Variants in SETD9 observed in about 807,000 individuals in gnomAD.
SETD9 encodes the protein SET domain containing 9.
A neutral mutation model predicts 36.4 loss-of-function variants in SETD9; 37 were observed. That is an observed-to-expected ratio of 1.02 (90% confidence interval 0.78 to 1.34). The LOEUF (loss-of-function observed/expected upper bound fraction) is 1.34. Among genes scored for constraint, SETD9 ranks in the 40% most tolerant of loss-of-function variants. The pLI, the probability that SETD9 is intolerant of heterozygous loss-of-function variation, is 0.00. For synonymous variants in SETD9, 128 were observed against 132.9 expected (o/e 0.96, Z 0.26); for missense variants, 323 against 353.2 (o/e 0.91, Z 0.69).
Position 56,911,454 on chromosome 5 carries a change from T to C in SETD9, c.384T>C (p.Thr128=), listed in dbSNP as rs1282804778. 1 of 1,610,262 alleles carries C rather than the reference T, an allele frequency of 6.2e-7. No individual in the cohort carries two copies. Among genetic ancestry groups the C allele is most frequent in the Admixed American group, 1.7e-5 (1 of 59,068 alleles). ...TGGGTTTCAGTGTTGCCCAAGCAAC[T>C]AGCTCATTGATTTCTGCTGGAAAAG... ...KTLGFSVAQA[T]SSLISAGKGV... Residue 128 remains threonine (T), a synonymous_variant, in exon 2 of 6, where the codon ACT becomes ACC. Transcript: ENST00000285947.
Position 56,913,091 on chromosome 5 carries a change from C to T in SETD9, c.547C>T (p.Leu183Phe), listed in dbSNP as rs1300699535. The T allele has an allele frequency of 6.2e-7, 1 of 1,613,860 alleles. No individual in the cohort carries two copies. The highest frequency in any genetic ancestry group is 2.2e-5 in the East Asian group (1 of 44,876). ...TATTTTTAGATGCCTGGATGGGGTA[C>T]TCATTGATGGGAATGACAAAGGGAT... ...PFIFRCLDGV[L>F]IDGNDKGISK... Residue 183 changes from leucine (L) to phenylalanine (F), a missense_variant, in exon 3 of 6, where the codon CTC (leucine) becomes TTC (phenylalanine). Physicochemically the swap from Leu to Phe is conservative, Grantham distance 22. Coordinates refer to ENST00000285947, the MANE Select transcript of SETD9 (RefSeq NM_153706.4).
At chr5:56,924,844 C>G (rs1369854400) in intron 5 of SETD9, among the ~76,000 whole-genome samples, 1 of 152,222 alleles carries the variant, frequency 6.6e-6, no homozygotes, top group African/African-American at 2.4e-5. Flanking sequence ...TTCAGTATCT[C>G]TAACCTGACT....
downstream of SETD9, among the ~76,000 whole-genome samples, chr5:56,927,475 C>A (rs1173652763): frequency 6.6e-6 from 1 of 152,122 alleles, no homozygotes; most frequent in East Asian, 1.9e-4. Context: ...CAGAACCCTG[C>A]CTTCCTTTAG....
chr5:56,911,948 G>T (rs965913954), intron 2 of SETD9, among the ~76,000 whole-genome samples: 2 of 152,160 alleles, frequency 1.3e-5, no homozygotes, highest in Non-Finnish European at 2.9e-5. Flanking sequence ...ATCGCGAGGG[G>T]TTTGAGACCA....
At chr5:56,915,969 GA>G in intron 5 of SETD9, among the ~76,000 whole-genome samples, 1 of 150,672 alleles carries the variant, frequency 6.6e-6, no homozygotes, top group East Asian at 2.0e-4. Flanking sequence ...CCCAAAACAG[GA>G]AAAAAACAAA....
In SETD9 at chr5:56,909,630, G is replaced by A. The variant is rs1386868236; in HGVS notation, c.-16G>A. 13 of 1,597,208 alleles carry A rather than the reference G, an allele frequency of 8.1e-6. No individual in the cohort carries two copies. The East Asian group carries it at 3.0e-4, about 37-fold the overall frequency. Reference sequence around the variant, plus strand: ...CCTTCCCCGCGCCGTCCTGGTCACGGCCCCGCGGGGCAGCCATGCCTGGCC... The same window carrying A: ...CCTTCCCCGCGCCGTCCTGGTCACGACCCCGCGGGGCAGCCATGCCTGGCC... On this transcript the variant is annotated 5_prime_UTR_variant, in exon 1 of 6. Transcript: ENST00000285947.
rs961519101 is a variant in SETD9, at chr5:56,911,082, C to G, written c.99-87C>G. On this transcript the variant is annotated intron_variant, in intron 1 of 5. Coordinates refer to ENST00000285947, the MANE Select transcript of SETD9 (RefSeq NM_153706.4). Reference sequence around the variant, plus strand: ...ACACATGAGAATAAGCTTATAGTTCCTTAAGGCCAGGAACCCAGAAGTTAT... The same window carrying G: ...ACACATGAGAATAAGCTTATAGTTCGTTAAGGCCAGGAACCCAGAAGTTAT... 3.7e-5 allele frequency: 53 copies of G among 1,446,860 alleles called. 1 individual carries two copies. Among genetic ancestry groups the G allele is most frequent in the Non-Finnish European group, 5.5e-6 (6 of 1,086,074 alleles). The allele number at this position is 1,446,860 out of a possible 1,614,324, so 89.6% of individuals were successfully genotyped here.
At chr5:56,924,599 A>ACTTG (rs1749868132) in intron 5 of SETD9, among the ~76,000 whole-genome samples, 1 of 152,218 alleles carries the variant, frequency 6.6e-6, no homozygotes, top group Admixed American at 6.5e-5. Flanking sequence ...ATTTAAGATG[A>ACTTG]CTTGCTAGCT....
chr5:56,913,851 GCTA>G lies in SETD9; in HGVS notation c.591-22_591-20del, dbSNP rs1749284442. 7.0e-7 allele frequency: 1 copy of G among 1,429,720 alleles called. No individual in the cohort carries two copies. The highest frequency in any genetic ancestry group is 2.3e-5 in the East Asian group (1 of 44,144). 88.6% of individuals were successfully genotyped at this position (1,429,720 alleles called of 1,614,324 possible). On this transcript the variant is annotated intron_variant, in intron 3 of 5. Coordinates refer to ENST00000285947, the MANE Select transcript of SETD9 (RefSeq NM_153706.4). ...TCTATTTTAAGATACAGATCCATTAGCTAATGCTTTCACTTGTTTCAGATCTTG... is the reference window on the plus strand; with the variant it reads ...TCTATTTTAAGATACAGATCCATTAGATGCTTTCACTTGTTTCAGATCTTG...
In SETD9 at chr5:56,914,956, GACAA is replaced by G. The variant is rs766769864; in HGVS notation, c.808_811del (p.Gln270AlafsTer44). ...TCTTCCAAACATTGCCTACAGCTAT[GACAA>G]ACAAAGGTTCGTTTGCTAAAAGAGC... On this transcript the variant is annotated frameshift_variant, in exon 5 of 6. Coordinates refer to ENST00000285947, the MANE Select transcript of SETD9 (RefSeq NM_153706.4). LOFTEE classifies it high-confidence loss of function. 3.2e-5 allele frequency: 50 copies of G among 1,583,130 alleles called. No individual in the cohort carries two copies. Among genetic ancestry groups the G allele is most frequent in the Non-Finnish European group, 4.1e-5 (48 of 1,159,626 alleles).
intron 5 of SETD9, among the ~76,000 whole-genome samples, chr5:56,916,164 C>A (rs832537): frequency 6.6e-6 from 1 of 151,888 alleles, no homozygotes; most frequent in Non-Finnish European, 1.5e-5. Flanking sequence ...GAGGCCGAGG[C>A]GGGCGGATCA....
At chr5:56,924,152 T>A (rs1749836375) in intron 5 of SETD9, 1 of 1,059,244 alleles carries the variant, frequency 9.4e-7, no homozygotes, top group East Asian at 2.4e-5. Flanking sequence ...ATTTTCCCAT[T>A]ATATAGTTCT....
chr5:56,913,734 C>T, intron 3 of SETD9, 140 bp from the exon 4 acceptor site: 1 of 583,144 alleles, frequency 1.7e-6, no homozygotes, highest in Non-Finnish European at 3.0e-6. Flanking sequence ...TGTGTAACAA[C>T]TCAGTTGCCC....
intron 3 of SETD9, 61 bp downstream of exon 3, chr5:56,913,195 T>C: frequency 6.5e-7 from 1 of 1,541,176 alleles, no homozygotes; most frequent in Non-Finnish European, 8.8e-7. Flanking sequence ...ACCACAATGA[T>C]TATGACTAAT....
At chr5:56,913,179 G>A (rs750933294) in intron 3 of SETD9, 45 bp downstream of exon 3, 24 of 1,592,246 alleles carry the variant, frequency 1.5e-5, no homozygotes, top group East Asian at 9.0e-5. Context: ...AGACAGAACC[G>A]CACTTACCAC....
In SETD9 at chr5:56,917,189, C is replaced by CAA. The variant is rs1408086619; in HGVS notation, c.*288_*289dup. The CAA allele has an allele frequency of 9.3e-7, 1 of 1,080,864 alleles. No homozygotes were observed. Among genetic ancestry groups the CAA allele is most frequent in the Non-Finnish European group, 1.1e-6 (1 of 893,280 alleles). The allele number at this position is 1,080,864 out of a possible 1,614,324, so 67.0% of individuals were successfully genotyped here. ...AACCTACTCTTTGAACTTATAATTT[C>CAA]AATTTTTCTTTTGTTTATTTTGTAA... On this transcript the variant is annotated 3_prime_UTR_variant, in exon 6 of 6. Coordinates refer to ENST00000285947, the MANE Select transcript of SETD9 (RefSeq NM_153706.4).
downstream of SETD9, among the ~76,000 whole-genome samples, chr5:56,927,118 CAT>C (rs58623268): frequency 0.095 from 14,461 of 152,106 alleles, 1,019 homozygotes; most frequent in East Asian, 0.35. Flanking sequence ...AAGAATAAAA[CAT>C]GAGATTTTCA....
chr5:56,920,837 G>A (rs918810774), downstream of SETD9: 3 of 152,402 alleles, frequency 2.0e-5, no homozygotes, highest in Non-Finnish European at 4.4e-5. Flanking sequence ...GCAAATTATT[G>A]CCTCATTTTA....
chr5:56,910,139 G>A lies in SETD9; in HGVS notation c.98+396G>A, dbSNP rs558402298. ...GCACTGACTGGGGAGCTTGTATCTG[G>A]GCAAAAATGGAAACTTTTTAAAAAG... On this transcript the variant is annotated intron_variant, in intron 1 of 5. Coordinates refer to ENST00000285947, the MANE Select transcript of SETD9 (RefSeq NM_153706.4). The A allele has an allele frequency of 5.7e-6, 7 of 1,225,360 alleles. No homozygotes were observed. In the South Asian group the frequency reaches 1.1e-4, roughly 18 times the overall value. 75.9% of individuals were successfully genotyped at this position (1,225,360 alleles called of 1,614,324 possible).
Sources: allele counts gnomAD v4.1 joint callset (sites outside exome capture counted in the v4.1 genomes callset), GRCh38; gene constraint gnomAD v4.1.1; transcripts MANE v1.5; gene names NCBI Gene and HGNC (gene_info 2026-07-23, HGNC 2026-07-21).